FAM193A: variants seen among roughly 807,000 people sequenced by gnomAD.
The protein encoded by FAM193A is protein FAM193A.
A neutral mutation model predicts 126.5 loss-of-function variants in FAM193A; 22 were observed. The ratio of observed to expected loss-of-function variants is 0.17; its 90% CI spans 0.12 to 0.25. The LOEUF is 0.25. Among genes scored for constraint, FAM193A ranks in the 10% least tolerant of loss-of-function variants. FAM193A has a pLI of 1.00. For missense variants in FAM193A, 1,675 were observed against 1,672.8 expected (o/e 1.00, Z -0.02); for synonymous variants, 761 against 646.8 (o/e 1.18, Z -2.68).
At chr4:2,640,869 G>A (rs1157555920) in intron 6 of FAM193A, among the ~76,000 whole-genome samples, 1 of 151,536 alleles carries the variant, frequency 6.6e-6, no homozygotes, top group Non-Finnish European at 1.5e-5. Context: ...GGAGTCTGAG[G>A]CAAGAGAATT....
chr4:2,596,597 G>A (rs1740878356), intron 2 of FAM193A, among the ~76,000 whole-genome samples: 1 of 152,202 alleles, frequency 6.6e-6, no homozygotes, highest in Non-Finnish European at 1.5e-5. Flanking sequence ...TTTGAGCTTA[G>A]TATTTCTTTG....
chr4:2,625,138 A>G (rs1486761113), intron 2 of FAM193A, 124 bp from the exon 3 acceptor site: 2 of 585,326 alleles, frequency 3.4e-6, no homozygotes, highest in East Asian at 5.7e-5. Context: ...TGGCCAAGAT[A>G]GTTTCTTTTC....
chr4:2,540,040 C>T (rs1360126734), intron 1 of FAM193A, among the ~76,000 whole-genome samples: 2 of 151,402 alleles, frequency 1.3e-5, no homozygotes, highest in African/African-American at 4.9e-5. Context: ...ATTGCTTGAA[C>T]CTGGGAGATG....
chr4:2,593,455 G>T (rs865888784), intron 1 of FAM193A, among the ~76,000 whole-genome samples: 1 of 152,142 alleles, frequency 6.6e-6, no homozygotes, highest in Non-Finnish European at 1.5e-5. Context: ...ACTGTCCACC[G>T]GGTTAAAGGG....
At chr4:2,567,072 C>A (rs1467355948) in intron 1 of FAM193A, among the ~76,000 whole-genome samples, 1 of 151,492 alleles carries the variant, frequency 6.6e-6, no homozygotes, top group Non-Finnish European at 1.5e-5. Context: ...CCCGAGTAGC[C>A]GGGACTACAG....
chr4:2,595,707 T>C (rs1433154436), intron 1 of FAM193A, among the ~76,000 whole-genome samples: 1 of 152,182 alleles, frequency 6.6e-6, no homozygotes, highest in Middle Eastern at 3.2e-3. Context: ...CCATCTTGAA[T>C]CTGAGCCCTG....
chr4:2,671,258 A>C (rs73791848), intron 12 of FAM193A, among the ~76,000 whole-genome samples: 10,141 of 152,236 alleles, frequency 0.067, 588 homozygotes, highest in African/African-American at 0.15. Flanking sequence ...TCTCATTTCC[A>C]GGGTTCTCTC....
At chr4:2,612,324 A>ACCC (rs1741929735) in intron 2 of FAM193A, among the ~76,000 whole-genome samples, 1 of 151,632 alleles carries the variant, frequency 6.6e-6, no homozygotes, top group African/African-American at 2.4e-5. Flanking sequence ...ACATGGAGTA[A>ACCC]CCCTGTCTTT....
intron 13 of FAM193A, among the ~76,000 whole-genome samples, chr4:2,683,991 G>C (rs1297206304): frequency 6.6e-6 from 1 of 152,170 alleles, no homozygotes; most frequent in Non-Finnish European, 1.5e-5. Context: ...GTTTCTCTTA[G>C]ATTGTTTTTA....
intron 20 of FAM193A, among the ~76,000 whole-genome samples, chr4:2,728,945 C>T (rs188523936): frequency 0.01 from 986 of 97,770 alleles, 3 homozygotes; most frequent in Non-Finnish European, 0.014. Flanking sequence ...AAGTCTGGTT[C>T]TGTCCGTCCA....
intron 19 of FAM193A, among the ~76,000 whole-genome samples, chr4:2,713,521 C>T (rs1489555429): frequency 6.6e-6 from 1 of 152,156 alleles, no homozygotes; most frequent in Non-Finnish European, 1.5e-5. Flanking sequence ...TGTACCCCCT[C>T]GTGGCCTGCT....
chr4:2,664,132 C>G (rs953014891), intron 12 of FAM193A, among the ~76,000 whole-genome samples: 2 of 152,136 alleles, frequency 1.3e-5, no homozygotes, highest in African/African-American at 4.8e-5. Context: ...CATCTCCTTA[C>G]CAGTTTTTTC....
intron 7 of FAM193A, among the ~76,000 whole-genome samples, chr4:2,650,748 C>G (rs761255205): frequency 5.3e-5 from 8 of 152,142 alleles, no homozygotes; most frequent in Non-Finnish European, 8.8e-5. Context: ...TTGAAACCTC[C>G]CAAGTGCATA....
chr4:2,596,126 C>A lies in FAM193A; in HGVS notation c.298C>A (p.Pro100Thr), dbSNP rs757326599. The A allele has an allele frequency of 1.3e-5, 9 of 702,858 alleles. No individual in the cohort carries two copies. The South Asian group carries it at 1.3e-4, about 10-fold the overall frequency. 43.5% of individuals were successfully genotyped at this position (702,858 alleles called of 1,614,324 possible). The change falls in exon 2 of 21, where the codon CCT (proline) becomes ACT (threonine). Residue 100 changes from proline to threonine, a missense_variant. By Grantham distance (38) the Pro-to-Thr change is conservative (BLOSUM62 -1). Transcript: ENST00000637812. ...CATGAATCATAGGACACCACCCTACCCTGCTGGGGATTATTGTCTTCTGTG... is the reference window on the plus strand; with the variant it reads ...CATGAATCATAGGACACCACCCTACACTGCTGGGGATTATTGTCTTCTGTG... ...FGMNHRTPPY[P>T]AGDYCLLCRS...
chr4:2,615,475 T>G (rs1742123979), intron 2 of FAM193A, among the ~76,000 whole-genome samples: 1 of 152,318 alleles, frequency 6.6e-6, no homozygotes, highest in African/African-American at 2.4e-5. Context: ...TTATGATTTG[T>G]TCATTGACCC....
intron 1 of FAM193A, among the ~76,000 whole-genome samples, chr4:2,552,585 T>C (rs1428690787): frequency 3.3e-5 from 5 of 152,136 alleles, no homozygotes; most frequent in African/African-American, 1.2e-4. Flanking sequence ...GTCCCCATGC[T>C]GGAGTGCAGT....
chr4:2,652,642 G>A (rs1266152166), intron 7 of FAM193A, among the ~76,000 whole-genome samples: 2 of 152,078 alleles, frequency 1.3e-5, no homozygotes, highest in Admixed American at 6.5e-5. Context: ...AGCACCTTCG[G>A]GGAAATCTGC....
chr4:2,711,109 C>A (rs927680028), intron 19 of FAM193A, among the ~76,000 whole-genome samples: 2 of 152,172 alleles, frequency 1.3e-5, no homozygotes, highest in Admixed American at 6.5e-5. Context: ...ACCTTGGCCT[C>A]CCAAAGTGCT....
chr4:2,696,010 AG>A (rs1716990373), intron 17 of FAM193A, among the ~76,000 whole-genome samples: 1 of 151,522 alleles, frequency 6.6e-6, no homozygotes, highest in Non-Finnish European at 1.5e-5. Context: ...CCTGGGTGAC[AG>A]AGCAAGACCT....
Sources: allele counts gnomAD v4.1 joint callset (sites outside exome capture counted in the v4.1 genomes callset), GRCh38; gene constraint gnomAD v4.1.1; transcripts MANE v1.5; gene names NCBI Gene and HGNC (gene_info 2026-07-23, HGNC 2026-07-21).